The following CACNA2D1 variants were observed in gnomAD, a reference collection of about 807,000 sequenced individuals.
CACNA2D1 encodes the protein calcium voltage-gated channel auxiliary subunit alpha2delta 1, also known as voltage-dependent calcium channel subunit alpha-2/delta-1.
Under a neutral mutation model 171.5 loss-of-function variants are expected in CACNA2D1, and 53 were observed. The observed-to-expected ratio is 0.31, with a 90% CI of 0.25 to 0.39. CACNA2D1 has a LOEUF of 0.39. Among genes scored for constraint, CACNA2D1 ranks in the 10% least tolerant of loss-of-function variants. The pLI is 1.00. For missense variants in CACNA2D1, 903 were observed against 1,299.8 expected, an observed-to-expected ratio of 0.69 and a Z score of 4.69; for synonymous variants, 442 against 443.1, an observed-to-expected ratio of 1.00 and a Z score of 0.03.
chr7:81,951,887 A>G (rs1051687734), intron 38 of CACNA2D1, among the ~76,000 whole-genome samples: 1 of 149,624 alleles, frequency 6.7e-6, no homozygotes, highest in African/African-American at 2.5e-5. Flanking sequence ...TGGTAGTTCT[A>G]CTTTTCATTC....
At chr7:82,111,442 A>ATTTTT (rs1228823349) in intron 6 of CACNA2D1, among the ~76,000 whole-genome samples, 1 of 98,892 alleles carries the variant, frequency 1.0e-5, no homozygotes, top group African/African-American at 4.2e-5. Context: ...ATATATATAT[A>ATTTTT]TATTTTTTTT....
intron 10 of CACNA2D1, among the ~76,000 whole-genome samples, chr7:82,044,632 A>AT (rs2131262076): frequency 6.6e-6 from 1 of 152,322 alleles, no homozygotes; most frequent in South Asian, 2.1e-4. Flanking sequence ...AATTTTGCAT[A>AT]TTAGTAAGTA....
chr7:82,176,035 A>C (rs576425901), intron 3 of CACNA2D1, among the ~76,000 whole-genome samples: 1 of 152,152 alleles, frequency 6.6e-6, no homozygotes, highest in African/African-American at 2.4e-5. Flanking sequence ...TATGCAATTC[A>C]GGGAATACAA....
At chr7:82,156,626 GTAAA>G (rs1424420045) in intron 4 of CACNA2D1, among the ~76,000 whole-genome samples, 6 of 124,776 alleles carry the variant, frequency 4.8e-5, no homozygotes, top group African/African-American at 1.9e-4. Flanking sequence ...TAGTATAATA[GTAAA>G]TAAATTTATT....
At chr7:81,996,961 G>A (rs1798108590) in intron 19 of CACNA2D1, among the ~76,000 whole-genome samples, 1 of 151,980 alleles carries the variant, frequency 6.6e-6, no homozygotes, top group South Asian at 2.1e-4. Context: ...AGAAGACTAA[G>A]GTCGAACCCA....
intron 7 of CACNA2D1, among the ~76,000 whole-genome samples, chr7:82,080,677 C>G (rs1809638031): frequency 6.6e-6 from 1 of 152,176 alleles, no homozygotes; most frequent in Admixed American, 6.5e-5. Flanking sequence ...TTTATCGTAT[C>G]TGGCAGCCCT....
At chr7:82,149,964 G>A (rs1037555265) in intron 4 of CACNA2D1, among the ~76,000 whole-genome samples, 2 of 151,720 alleles carry the variant, frequency 1.3e-5, no homozygotes, top group South Asian at 2.1e-4. Context: ...GCGTGTCTCT[G>A]TGTGTGTACA....
chr7:82,298,490 T>C (rs1333091361), intron 3 of CACNA2D1, among the ~76,000 whole-genome samples: 2 of 152,200 alleles, frequency 1.3e-5, no homozygotes, highest in Admixed American at 6.5e-5. Context: ...CCAGAACTTA[T>C]GAATAAGTTT....
At chr7:82,408,761 C>A (rs1437317825) in intron 1 of CACNA2D1, among the ~76,000 whole-genome samples, 1 of 152,236 alleles carries the variant, frequency 6.6e-6, no homozygotes, top group East Asian at 1.9e-4. Context: ...TGAAAGCTAC[C>A]ATTTTACATA....
At chr7:82,341,238 TGTA>T (rs1563396009) in intron 2 of CACNA2D1, among the ~76,000 whole-genome samples, 2 of 152,192 alleles carry the variant, frequency 1.3e-5, no homozygotes, top group South Asian at 2.1e-4. Flanking sequence ...CAAATACTAA[TGTA>T]GTATTTTTCT....
chr7:82,215,198 T>A (rs1800972507), intron 3 of CACNA2D1, among the ~76,000 whole-genome samples: 1 of 152,212 alleles, frequency 6.6e-6, no homozygotes, highest in Admixed American at 6.5e-5. Flanking sequence ...TCATTCATCA[T>A]AATTTCTTCC....
chr7:82,379,516 T>C (rs1346825925), intron 1 of CACNA2D1, among the ~76,000 whole-genome samples: 1 of 152,330 alleles, frequency 6.6e-6, no homozygotes, highest in African/African-American at 2.4e-5. Flanking sequence ...TTATCTAACT[T>C]AAACTTATCT....
chr7:82,106,037 T>G (rs1787720670), intron 6 of CACNA2D1, among the ~76,000 whole-genome samples: 1 of 152,194 alleles, frequency 6.6e-6, no homozygotes, highest in South Asian at 2.1e-4. Context: ...TAATGACAAA[T>G]GTTGACTAAA....
At chr7:82,039,401 C>T (rs3779452) in intron 10 of CACNA2D1, among the ~76,000 whole-genome samples, 122,430 of 152,042 alleles carry the variant, frequency 0.81, 49,536 homozygotes, top group Middle Eastern at 0.89. Flanking sequence ...ACATAATTAT[C>T]TGCACACACA....
intron 3 of CACNA2D1, among the ~76,000 whole-genome samples, chr7:82,232,345 G>T (rs1029800919): frequency 7.5e-6 from 1 of 133,850 alleles, no homozygotes; most frequent in African/African-American, 2.5e-5. Flanking sequence ...ATATTTTAAA[G>T]TAACAAATGT....
intron 24 of CACNA2D1, among the ~76,000 whole-genome samples, chr7:81,974,997 C>T (rs534482148): frequency 2.0e-5 from 3 of 151,442 alleles, no homozygotes; most frequent in East Asian, 1.9e-4. Flanking sequence ...CAAACCTGCA[C>T]GTTCTGCACA....
chr7:82,124,793 G>C (rs1336246528), intron 5 of CACNA2D1, among the ~76,000 whole-genome samples: 3 of 151,952 alleles, frequency 2.0e-5, no homozygotes, highest in African/African-American at 7.3e-5. Flanking sequence ...CCCTCCACCG[G>C]TAACACCTAG....
chr7:81,962,691 A>T (rs559096996), intron 34 of CACNA2D1, among the ~76,000 whole-genome samples, 196 bp from the exon 35 acceptor site: 1 of 152,084 alleles, frequency 6.6e-6, no homozygotes, highest in South Asian at 2.1e-4. Flanking sequence ...TGAAATCAGA[A>T]GTGTTCAGAT....
chr7:81,996,121 G>C (rs1798017551), intron 19 of CACNA2D1, among the ~76,000 whole-genome samples: 1 of 151,974 alleles, frequency 6.6e-6, no homozygotes, highest in Admixed American at 6.6e-5. Flanking sequence ...CCATGAACCA[G>C]GCCTTTTGCT....
Sources: gnomAD v4.1 joint callset for allele counts (sites outside exome capture counted in the v4.1 genomes callset) on GRCh38, gnomAD v4.1.1 for gene constraint, MANE v1.5 for transcripts, NCBI Gene and HGNC (gene_info 2026-07-23, HGNC 2026-07-21) for gene names.